TRABD2B: variants seen among roughly 807,000 people sequenced by gnomAD.
The protein encoded by TRABD2B is TraB domain containing 2B, also known as metalloprotease TIKI2.
TRABD2B carries 14 observed loss-of-function variants against 40.1 expected under a neutral mutation model. The observed-to-expected ratio is 0.35, with a 90% CI of 0.23 to 0.55. The LOEUF is 0.55. TRABD2B is among the 20% of genes least tolerant of loss of function. The pLI, the probability that TRABD2B is intolerant of heterozygous loss-of-function variation, is 0.90. For missense variants in TRABD2B, 541 were observed against 648.6 expected (o/e 0.83, Z 1.80); for synonymous variants, 263 against 277.0 (o/e 0.95, Z 0.50).
At chr1:47,866,043 T>C (rs924767954) in intron 2 of TRABD2B, among the ~76,000 whole-genome samples, 11 of 130,010 alleles carry the variant, frequency 8.5e-5, no homozygotes, top group African/African-American at 2.6e-4. Flanking sequence ...AGTAAGTACT[T>C]TGACTCTTGT....
intron 2 of TRABD2B, among the ~76,000 whole-genome samples, chr1:47,874,178 G>A (rs1440708512): frequency 2.0e-5 from 3 of 151,812 alleles, no homozygotes; most frequent in Non-Finnish European, 2.9e-5. Context: ...TGAGCAACTT[G>A]GGAACTTAGA....
At position 47,908,943 on chromosome 1, in the gene TRABD2B, C is replaced by T. The variant is rs149184428; in HGVS notation, c.666+85091G>A. 5.3e-4 allele frequency among the ~76,000 whole-genome samples: 81 copies of T among 152,322 alleles called. 2 individuals are homozygous for T. In the East Asian group the frequency reaches 0.011, roughly 20 times the overall value. On this transcript the variant is annotated intron_variant, in intron 2 of 6. Coordinates refer to ENST00000606738, the MANE Select transcript of TRABD2B (RefSeq NM_001194986.2). ...AGAGCTTCAGCGCATGAATCTAGGA[C>T]GGCTGACAAGGGCTGGACATCAGGA... is the stretch of plus-strand genomic sequence containing the variant.
chr1:47,893,453 A>G (rs1327240595), intron 2 of TRABD2B, among the ~76,000 whole-genome samples: 1 of 152,136 alleles, frequency 6.6e-6, no homozygotes, highest in African/African-American at 2.4e-5. Context: ...AACAAATAAG[A>G]GCCTCCCTGA....
chr1:47,788,372 C>A (rs1053634869), intron 4 of TRABD2B, among the ~76,000 whole-genome samples: 6 of 152,182 alleles, frequency 3.9e-5, no homozygotes, highest in Non-Finnish European at 8.8e-5. Context: ...ATGGGGTCTG[C>A]GGCACTCTAG....
At chr1:47,906,153 G>A (rs1423106319) in intron 2 of TRABD2B, among the ~76,000 whole-genome samples, 4 of 152,154 alleles carry the variant, frequency 2.6e-5, no homozygotes, top group Non-Finnish European at 5.9e-5. Flanking sequence ...CCCTCCTGTG[G>A]CACTGACTAA....
At position 47,785,821 on chromosome 1, in the gene TRABD2B, C is replaced by T. The variant is rs188097825; in HGVS notation, c.989-7277G>A. On this transcript the variant is annotated intron_variant, in intron 4 of 6. Coordinates refer to ENST00000606738, the MANE Select transcript of TRABD2B (RefSeq NM_001194986.2). ...AGAGGCTCCTTTTTTAGAATCACAA[C>T]ACCCCAGGACTCCTGGGAGCTCCCT... Among the ~76,000 whole-genome samples the T allele has an allele frequency of 2.4e-3, 368 of 152,342 alleles. 1 individual carries two copies. The highest frequency in any genetic ancestry group is 3.7e-3 in the Non-Finnish European group (252 of 68,028).
rs1644273028 is a variant in TRABD2B at position 47,764,084 on chromosome 1, C to T, written c.*1818G>A. The T allele has an allele frequency of 1.3e-5, 2 of 152,248 alleles. No homozygotes were observed. Among genetic ancestry groups the T allele is most frequent in the South Asian group, 4.1e-4 (2 of 4,838 alleles). 9.4% of individuals were successfully genotyped at this position (152,248 alleles called of 1,614,324 possible). On this transcript the variant is annotated 3_prime_UTR_variant, in exon 7 of 7. Transcript: ENST00000606738. ...AGATGCCCGTGGGACTCCTGACCAT[C>T]CCATGAGCTGCCCAGAACTTGCCGT...
At chr1:47,970,601 C>T (rs1477227546) in intron 2 of TRABD2B, among the ~76,000 whole-genome samples, 1 of 152,196 alleles carries the variant, frequency 6.6e-6, no homozygotes, top group African/African-American at 2.4e-5. Flanking sequence ...TACAAACCAC[C>T]CCAGGCCTCT....
At position 47,801,608 on chromosome 1, in the gene TRABD2B, G is replaced by A. The variant is rs770928849; in HGVS notation, c.678C>T (p.Ala226=). The change falls in exon 3 of 7, where the codon GCC becomes GCT. Residue 226 remains alanine, a synonymous_variant. Coordinates refer to ENST00000606738, the MANE Select transcript of TRABD2B (RefSeq NM_001194986.2). ...CCTGCTGCAGCAGGGTTTGGTTCAG[G>A]GCAAACAGCACCTGGGCCGAGGAAA... ...NGLNFSQVLF[A]LNQTLLQQES... is the part of the protein sequence containing the mutation. 1 of 1,535,826 alleles carries A rather than the reference G, an allele frequency of 6.5e-7. No homozygotes were observed. The highest frequency in any genetic ancestry group is 1.2e-5 in the South Asian group (1 of 84,048).
At chr1:47,908,751 G>A (rs969817527) in intron 2 of TRABD2B, among the ~76,000 whole-genome samples, 2 of 152,240 alleles carry the variant, frequency 1.3e-5, no homozygotes, top group African/African-American at 4.8e-5. Context: ...CATCTGGGAG[G>A]CAGCAGGCCA....
In TRABD2B at chr1:47,961,973, T is replaced by A. The variant is rs1227059149; in HGVS notation, c.666+32061A>T. On this transcript the variant is annotated intron_variant, in intron 2 of 6. Coordinates refer to ENST00000606738, the MANE Select transcript of TRABD2B (RefSeq NM_001194986.2). ...GACTTGGAACCAACCCAAATGTCCA[T>A]CAATGATAGACTGGATTAAGAAAAT... Among the ~76,000 whole-genome samples, 23 of 152,114 alleles carry A rather than the reference T, an allele frequency of 1.5e-4. No homozygotes were observed. The East Asian group carries it at 2.1e-3, about 14-fold the overall frequency.
At chr1:47,767,018 G>C (rs1275632622) in intron 6 of TRABD2B, among the ~76,000 whole-genome samples, 3 of 152,132 alleles carry the variant, frequency 2.0e-5, no homozygotes, top group Non-Finnish European at 4.4e-5. Flanking sequence ...CTCAGGGCCA[G>C]GTTACTGGCT....
chr1:47,771,361 T>A (rs992989792), intron 6 of TRABD2B, among the ~76,000 whole-genome samples: 39 of 152,324 alleles, frequency 2.6e-4, no homozygotes, highest in Admixed American at 2.2e-3. Context: ...AGGCTCTGTA[T>A]CTGTCTTGTC....
At chr1:47,868,425 T>C (rs1383555356) in intron 2 of TRABD2B, among the ~76,000 whole-genome samples, 1 of 152,212 alleles carries the variant, frequency 6.6e-6, no homozygotes, top group Non-Finnish European at 1.5e-5. Flanking sequence ...TCCCCAATCC[T>C]GGGTCATGGA....
At chr1:47,851,752 A>C (rs1445246633) in intron 2 of TRABD2B, among the ~76,000 whole-genome samples, 1 of 152,222 alleles carries the variant, frequency 6.6e-6, no homozygotes, top group Admixed American at 6.5e-5. Context: ...TGACCTACTA[A>C]GTACTAGACA....
At chr1:47,909,249 A>C (rs1644717947) in intron 2 of TRABD2B, among the ~76,000 whole-genome samples, 1 of 152,190 alleles carries the variant, frequency 6.6e-6, no homozygotes, top group Admixed American at 6.5e-5. Context: ...ATAATTTATA[A>C]ATAAAAGGGG....
At chr1:47,976,618 G>A (rs1276720551) in intron 2 of TRABD2B, among the ~76,000 whole-genome samples, 1 of 152,182 alleles carries the variant, frequency 6.6e-6, no homozygotes, top group Non-Finnish European at 1.5e-5. Flanking sequence ...TGGTAGAAAA[G>A]GGCAAGGAGA....
chr1:47,787,866 G>A (rs543005276), intron 4 of TRABD2B, among the ~76,000 whole-genome samples: 9 of 152,172 alleles, frequency 5.9e-5, no homozygotes, highest in Non-Finnish European at 1.0e-4. Flanking sequence ...GGGAGCATGA[G>A]AGAGGCTGTG....
chr1:47,934,490 G>C (rs1049455436), intron 2 of TRABD2B, among the ~76,000 whole-genome samples: 1 of 152,276 alleles, frequency 6.6e-6, no homozygotes, highest in Non-Finnish European at 1.5e-5. Context: ...GGCTGCCAGC[G>C]GGAGGGGCAG....
Sources: gnomAD v4.1 joint callset for allele counts (sites outside exome capture counted in the v4.1 genomes callset) on GRCh38, gnomAD v4.1.1 for gene constraint, MANE v1.5 for transcripts, NCBI Gene and HGNC (gene_info 2026-07-23, HGNC 2026-07-21) for gene names.